IFFO2: variants seen among roughly 807,000 people sequenced by gnomAD.
IFFO2 encodes intermediate filament family orphan 2.
In IFFO2, 19 loss-of-function variants were observed where a neutral mutation model predicts 53.5. The observed-to-expected ratio is 0.36, with a 90% CI of 0.25 to 0.52. The LOEUF (loss-of-function observed/expected upper bound fraction) is 0.52. IFFO2 is among the 20% of genes least tolerant of loss of function. The probability of loss-of-function intolerance (pLI) is 0.94; values close to 1 mark genes in which losing one functional copy is unlikely to be tolerated. For missense variants in IFFO2, 570 were observed against 727.4 expected (o/e 0.78, Z 2.49); for synonymous variants, 303 against 313.6 (o/e 0.97, Z 0.36).
rs1241137577 is a variant in IFFO2 at position 18,947,887 on chromosome 1, C to T, written c.665+7781G>A. 6.6e-6 allele frequency among the ~76,000 whole-genome samples: 1 copy of T among 152,262 alleles called. No homozygotes were observed. The highest frequency in any genetic ancestry group is 1.5e-5 in the Non-Finnish European group (1 of 68,052). ...CAGGTGCTGGGGAGACCCCGTGCCT[C>T]CTGCCTGCCTCCTCACCCTGAGCCA... is the stretch of plus-strand genomic sequence containing the variant. On this transcript the variant is annotated intron_variant, in intron 1 of 8. Coordinates refer to ENST00000455833, the MANE Select transcript of IFFO2 (RefSeq NM_001136265.2). This position sits in a 1 kb window ranked among gnomAD's most constrained non-coding sequence, Gnocchi z 5.0.
intron 7 of IFFO2, among the ~76,000 whole-genome samples, 195 bp downstream of exon 7, chr1:18,911,189 C>A (rs144286277): frequency 6.6e-6 from 1 of 152,370 alleles, no homozygotes; most frequent in East Asian, 1.9e-4. Context: ...AGGATCACCA[C>A]CCCCATTTGA....
intron 1 of IFFO2, among the ~76,000 whole-genome samples, chr1:18,925,131 T>C (rs1936265173): frequency 6.7e-6 from 1 of 148,918 alleles, no homozygotes; most frequent in African/African-American, 2.5e-5. Flanking sequence ...CTCGGTGGTA[T>C]CCACCACATT....
chr1:18,945,892 G>A (rs527679815), intron 1 of IFFO2, among the ~76,000 whole-genome samples: 76 of 152,360 alleles, frequency 5.0e-4, no homozygotes, highest in African/African-American at 1.8e-3. Context: ...GAGGCTCAGA[G>A]AGGCACAGTG....
At chr1:18,954,710 G>A (rs746697189) in intron 1 of IFFO2, among the ~76,000 whole-genome samples, 3 of 152,252 alleles carry the variant, frequency 2.0e-5, no homozygotes, top group Admixed American at 6.5e-5. Context: ...CAAGCAGACA[G>A]TATTGTCGGC....
intron 5 of IFFO2, among the ~76,000 whole-genome samples, chr1:18,914,298 C>T (rs554585852): frequency 6.6e-6 from 1 of 152,310 alleles, no homozygotes; most frequent in South Asian, 2.1e-4. Context: ...GGCCCCCTGG[C>T]TTCCACTCTG....
intron 1 of IFFO2, among the ~76,000 whole-genome samples, chr1:18,946,714 GC>G (rs922510674): frequency 3.3e-5 from 5 of 151,210 alleles, no homozygotes; most frequent in African/African-American, 1.2e-4. Context: ...ACCGCACCGG[GC>G]CTGGGCTTGC....
chr1:18,945,545 G>A (rs555567309), intron 1 of IFFO2, among the ~76,000 whole-genome samples: 13 of 152,242 alleles, frequency 8.5e-5, no homozygotes, highest in African/African-American at 1.9e-4. Context: ...TTAAGAGGGC[G>A]GAAGGCGCTG....
chr1:18,931,665 C>T (rs999994284), intron 1 of IFFO2, among the ~76,000 whole-genome samples: 2 of 152,198 alleles, frequency 1.3e-5, no homozygotes, highest in African/African-American at 4.8e-5. Flanking sequence ...TCGACACCCA[C>T]CATCTCTAAT....
At chr1:18,914,080 C>T (rs1229478537) in intron 5 of IFFO2, among the ~76,000 whole-genome samples, 2 of 152,244 alleles carry the variant, frequency 1.3e-5, no homozygotes, top group African/African-American at 4.8e-5. Flanking sequence ...ATCCGCCTGC[C>T]TCGGCCTCCC....
rs959225096 is a variant in IFFO2 at position 18,918,185 on chromosome 1, G to C, written c.963+177C>G. ...CAGTCAGACGAGCCTATGAGTCCACGGGTGCCTGATTCTACGTTTTCCTGG... is the reference window on the plus strand; with the variant it reads ...CAGTCAGACGAGCCTATGAGTCCACCGGTGCCTGATTCTACGTTTTCCTGG... On this transcript the variant is annotated intron_variant, in intron 4 of 8. Coordinates refer to ENST00000455833, the MANE Select transcript of IFFO2 (RefSeq NM_001136265.2). The surrounding 1 kb of genome is among the most constrained non-coding windows in gnomAD (Gnocchi z 5.2). Among the ~76,000 whole-genome samples the C allele has an allele frequency of 6.6e-6, 1 of 152,170 alleles. No homozygotes were observed. Among genetic ancestry groups the C allele is most frequent in the South Asian group, 2.1e-4 (1 of 4,824 alleles).
rs1197590902 is a variant in IFFO2 at position 18,926,058 on chromosome 1, TTGGA to T, written c.666-4941_666-4938del. On this transcript the variant is annotated intron_variant, in intron 1 of 8. Coordinates refer to ENST00000455833, the MANE Select transcript of IFFO2 (RefSeq NM_001136265.2). ...ATGGATGGATGGATGGATGGATTGGTTGGATGGATGGATGGATGGATGGATGGAT... is the reference window on the plus strand; with the variant it reads ...ATGGATGGATGGATGGATGGATTGGTTGGATGGATGGATGGATGGATGGAT... Among the ~76,000 whole-genome samples, 314 of 48,216 alleles carry T rather than the reference TTGGA, an allele frequency of 6.5e-3. 12 individuals are homozygous for T. The highest frequency in any genetic ancestry group is 0.02 in the African/African-American group (204 of 10,250). 31.6% of individuals were successfully genotyped at this position (48,216 alleles called of 152,430 possible).
Position 18,955,899 on chromosome 1 carries a change from G to T in IFFO2, c.434C>A (p.Pro145His), listed in dbSNP as rs1936719119. 3.7e-6 allele frequency: 5 copies of T among 1,345,268 alleles called. No homozygotes were observed. Among genetic ancestry groups the T allele is most frequent in the Non-Finnish European group, 4.7e-6 (5 of 1,057,918 alleles). 83.3% of individuals were successfully genotyped at this position (1,345,268 alleles called of 1,614,324 possible). Residue 145 changes from proline to histidine, a missense_variant, in exon 1 of 9, where the codon CCC becomes CAC. Pro to His is a moderately conservative substitution (Grantham distance 77, BLOSUM62 -2). Transcript: ENST00000455833. ...GTGCTGCGGGTGCGAGCCGCCGCCG[G>T]GGGGCAGGCCGCCCAGGGCCACGGC... The part of the protein sequence containing the change: ...ANAVALGGLP[P>H]GGGSHPQHYG...
At chr1:18,911,607 C>T (rs1414405594) in intron 6 of IFFO2, 131 bp from the exon 7 acceptor site, 5 of 411,248 alleles carry the variant, frequency 1.2e-5, no homozygotes, top group Non-Finnish European at 2.0e-5. Flanking sequence ...GGTATGATCT[C>T]GGCTCACTAC....
At chr1:18,952,690 G>A (rs542152206) in intron 1 of IFFO2, among the ~76,000 whole-genome samples, 1 of 152,276 alleles carries the variant, frequency 6.6e-6, no homozygotes, top group African/African-American at 2.4e-5. Context: ...GTGATTACCT[G>A]GGCTGGGCTT....
chr1:18,905,361 C>T lies in IFFO2; in HGVS notation c.*3200G>A, dbSNP rs1249796518. 1 of 152,156 alleles carries T rather than the reference C, an allele frequency of 6.6e-6. No individual in the cohort carries two copies. Among genetic ancestry groups the T allele is most frequent in the Non-Finnish European group, 1.5e-5 (1 of 68,038 alleles). The allele number at this position is 152,156 out of a possible 1,614,324, so 9.4% of individuals were successfully genotyped here. On this transcript the variant is annotated 3_prime_UTR_variant, in exon 9 of 9. Transcript: ENST00000455833. Reference sequence around the variant, plus strand: ...GCAACAACATGCACCATGTCTCGTCCACAGGAAAATGCTGGGCTACCACAA... The same window carrying T: ...GCAACAACATGCACCATGTCTCGTCTACAGGAAAATGCTGGGCTACCACAA...
At chr1:18,909,837 A>G (rs771053402) in intron 8 of IFFO2, among the ~76,000 whole-genome samples, 1 of 152,072 alleles carries the variant, frequency 6.6e-6, no homozygotes, top group Non-Finnish European at 1.5e-5. Context: ...GGCTCAAGCA[A>G]TCCTCCCACC....
At chr1:18,953,572 CT>C (rs1442812841) in intron 1 of IFFO2, among the ~76,000 whole-genome samples, 2 of 152,200 alleles carry the variant, frequency 1.3e-5, no homozygotes, top group Admixed American at 6.5e-5. Flanking sequence ...CTAGCCCCCC[CT>C]CAACCTCACT....
chr1:18,920,164 A>G (rs1369894611), intron 2 of IFFO2, among the ~76,000 whole-genome samples: 1 of 152,212 alleles, frequency 6.6e-6, no homozygotes. Flanking sequence ...GTGTGTGTCC[A>G]CACAGACAAG....
Position 18,918,498 on chromosome 1 carries a change from A to G in IFFO2, c.827T>C (p.Met276Thr). ...VVFKGLMSDP[M>T]TDLDTKIQEK... ...TTGGATCTTTGTGTCCAGGTCTGTC[A>G]TGGGCTGCAGGGAGGACAGCAGGGT... Residue 276 changes from methionine (M) to threonine (T), a missense_variant, in exon 4 of 9, where the codon ATG becomes ACG. Met to Thr is a moderately conservative substitution (Grantham distance 81). Coordinates refer to ENST00000455833, the MANE Select transcript of IFFO2 (RefSeq NM_001136265.2). This position sits in a 1 kb window ranked among gnomAD's most constrained non-coding sequence, Gnocchi z 5.2. 1.3e-6 allele frequency: 2 copies of G among 1,552,996 alleles called. No individual in the cohort carries two copies. Among genetic ancestry groups the G allele is most frequent in the Non-Finnish European group, 1.7e-6 (2 of 1,147,656 alleles).
Sources: allele counts gnomAD v4.1 joint callset (sites outside exome capture counted in the v4.1 genomes callset), GRCh38; gene constraint gnomAD v4.1.1; non-coding constraint Gnocchi (gnomAD v3.1); transcripts MANE v1.5; gene names NCBI Gene and HGNC (gene_info 2026-07-23, HGNC 2026-07-21).